Variants in FEZ2 observed in about 807,000 individuals in gnomAD.
FEZ2 encodes the protein fasciculation and elongation protein zeta-2.
FEZ2 carries 51 observed loss-of-function variants against 40.4 expected under a neutral mutation model. The ratio of observed to expected loss-of-function variants is 1.26; its 90% CI spans 1.01 to 1.59. FEZ2 has a LOEUF of 1.59. Among genes scored for constraint, FEZ2 ranks in the 40% most tolerant of loss-of-function variants. The pLI, the probability that FEZ2 is intolerant of heterozygous loss-of-function variation, is 0.00. For missense variants in FEZ2, 640 were observed against 438.3 expected, an observed-to-expected ratio of 1.46 and a Z score of -4.11; for synonymous variants, 242 against 172.0, an observed-to-expected ratio of 1.41 and a Z score of -3.18.
chr2:36,571,636 T>C (rs1249104958), intron 5 of FEZ2, among the ~76,000 whole-genome samples: 3 of 150,558 alleles, frequency 2.0e-5, no homozygotes, highest in Non-Finnish European at 3.0e-5. Flanking sequence ...GCCTGGGCAA[T>C]AGAGCAAGAC....
At chr2:36,554,276 G>A (rs1558438520) in intron 7 of FEZ2, 1 of 471,124 alleles carries the variant, frequency 2.1e-6, no homozygotes, top group African/African-American at 2.0e-5. Flanking sequence ...GGTTTTCAGA[G>A]TAAAGAATTA....
chr2:36,594,337 CTA>C (rs1669151958), intron 1 of FEZ2: 1 of 155,120 alleles, frequency 6.4e-6, no homozygotes, highest in Non-Finnish European at 1.4e-5. Context: ...TACTAACTTA[CTA>C]TATTAGGTTA....
At chr2:36,582,126 C>T (rs1668767174) in intron 3 of FEZ2, among the ~76,000 whole-genome samples, 1 of 151,936 alleles carries the variant, frequency 6.6e-6, no homozygotes, top group African/African-American at 2.4e-5. Flanking sequence ...AGTATCTTGC[C>T]CTTTTCCAGA....
Position 36,596,386 on chromosome 2 carries a change from T to G in FEZ2, c.266+1491A>C, listed in dbSNP as rs575212634. ...CTTTCCGTGCCCGTGACTCCTGTCC[T>G]GTCTCTCAAAAATTCTTCCCTAACC... On this transcript the variant is annotated intron_variant, in intron 1 of 7. Transcript: ENST00000405912. 9.8e-5 allele frequency among the ~76,000 whole-genome samples: 15 copies of G among 152,360 alleles called. No homozygotes were observed. In the South Asian group the frequency reaches 2.5e-3, roughly 25 times the overall value.
At chr2:36,582,827 G>C (rs1299832756) in intron 3 of FEZ2, among the ~76,000 whole-genome samples, 3 of 152,194 alleles carry the variant, frequency 2.0e-5, no homozygotes, top group African/African-American at 7.2e-5. Flanking sequence ...CAATACAACA[G>C]AGGTGGGAAG....
At chr2:36,585,681 CATAAT>C (rs1188467214) in intron 2 of FEZ2, among the ~76,000 whole-genome samples, 1 of 152,030 alleles carries the variant, frequency 6.6e-6, no homozygotes, top group Non-Finnish European at 1.5e-5. Flanking sequence ...AAAATGTAAA[CATAAT>C]ATATCATAAT....
rs184447883 is a variant in FEZ2 at position 36,578,961 on chromosome 2, T to A, written c.635-96A>T. On this transcript the variant is annotated intron_variant, in intron 4 of 7. Transcript: ENST00000405912. The stretch of plus-strand genomic sequence containing the variant: ...CTAGGAATGACTAAATAAACACCTA[T>A]GTAATCAATGCCAAAGAGCAAAAAT... 8.2e-6 allele frequency: 8 copies of A among 974,784 alleles called. No individual in the cohort carries two copies. In the African/African-American group the frequency reaches 1.3e-4, roughly 16 times the overall value. 60.4% of individuals were successfully genotyped at this position (974,784 alleles called of 1,614,324 possible). A position where few individuals can be genotyped will look rare whatever the true frequency, so the allele number is the denominator to read the frequency against.
intron 6 of FEZ2, 167 bp from the exon 7 acceptor site, chr2:36,555,915 A>G (rs1050477990): frequency 4.4e-6 from 3 of 678,258 alleles, no homozygotes; most frequent in African/African-American, 1.8e-5. Flanking sequence ...TAAAGGCCCA[A>G]TAATTTATTT....
chr2:36,565,636 G>A (rs1280260219), intron 5 of FEZ2, among the ~76,000 whole-genome samples: 8 of 152,160 alleles, frequency 5.3e-5, no homozygotes, highest in African/African-American at 1.9e-4. Flanking sequence ...AACCTAGCTA[G>A]GGGCAATAGT....
At chr2:36,573,073 G>A (rs1272057796) in intron 5 of FEZ2, among the ~76,000 whole-genome samples, 3 of 152,042 alleles carry the variant, frequency 2.0e-5, no homozygotes, top group East Asian at 1.9e-4. Flanking sequence ...GTTGACTGAC[G>A]CAGTTATGCA....
intron 5 of FEZ2, among the ~76,000 whole-genome samples, chr2:36,575,173 T>C (rs781037137): frequency 6.6e-6 from 1 of 152,208 alleles, no homozygotes; most frequent in Non-Finnish European, 1.5e-5. Context: ...GGGCCTCATC[T>C]ATTCTATTCT....
At chr2:36,597,237 T>C (rs1044065338) in intron 1 of FEZ2, among the ~76,000 whole-genome samples, 8 of 151,976 alleles carry the variant, frequency 5.3e-5, no homozygotes, top group African/African-American at 1.9e-4. Flanking sequence ...CCTAGAACGT[T>C]AGACTTTTTT....
chr2:36,568,687 T>A (rs1668321424), intron 5 of FEZ2, among the ~76,000 whole-genome samples: 1 of 152,220 alleles, frequency 6.6e-6, no homozygotes, highest in African/African-American at 2.4e-5. Flanking sequence ...TACTTTATTG[T>A]TGCCCTCACT....
intron 3 of FEZ2, among the ~76,000 whole-genome samples, chr2:36,583,034 G>A (rs991737631): frequency 3.3e-5 from 5 of 152,154 alleles, no homozygotes; most frequent in African/African-American, 9.7e-5. Flanking sequence ...CAGTTTGTCC[G>A]TGTTTGGGTA....
chr2:36,589,430 G>A (rs1010271885), intron 2 of FEZ2, among the ~76,000 whole-genome samples: 3 of 152,232 alleles, frequency 2.0e-5, no homozygotes, highest in Non-Finnish European at 2.9e-5. Flanking sequence ...AGAGATGCTG[G>A]AGGTGAGGAT....
At chr2:36,571,923 G>A (rs1322964679) in intron 5 of FEZ2, among the ~76,000 whole-genome samples, 3 of 149,422 alleles carry the variant, frequency 2.0e-5, no homozygotes, top group South Asian at 2.2e-4. Context: ...GCTGAGGCAG[G>A]AGAATCGCTG....
At chr2:36,564,499 T>C (rs1172021307) in intron 5 of FEZ2, among the ~76,000 whole-genome samples, 1 of 152,072 alleles carries the variant, frequency 6.6e-6, no homozygotes, top group Non-Finnish European at 1.5e-5. Context: ...CTCCTGACCT[T>C]ACATTCCAGC....
chr2:36,573,995 G>T (rs1558449423), intron 5 of FEZ2, among the ~76,000 whole-genome samples: 2 of 152,116 alleles, frequency 1.3e-5, no homozygotes, highest in Admixed American at 1.3e-4. Context: ...TTCAGTGAGT[G>T]GATAAACTAG....
chr2:36,589,220 G>A (rs1305006089), intron 2 of FEZ2, among the ~76,000 whole-genome samples: 1 of 152,202 alleles, frequency 6.6e-6, no homozygotes, highest in African/African-American at 2.4e-5. Flanking sequence ...TGATTAACAA[G>A]AGAAGGCAGT....
Sources: gnomAD v4.1 joint callset for allele counts (sites outside exome capture counted in the v4.1 genomes callset) on GRCh38, gnomAD v4.1.1 for gene constraint, MANE v1.5 for transcripts, NCBI Gene and HGNC (gene_info 2026-07-23, HGNC 2026-07-21) for gene names.